Variants in CHD9 observed in about 807,000 individuals in gnomAD.
CHD9 encodes the protein ATP-dependent chromatin remodeler CHD9.
Under a neutral mutation model 316.1 loss-of-function variants are expected in CHD9, and 77 were observed. The observed-to-expected ratio is 0.24, with a 90% CI of 0.20 to 0.29. The LOEUF (loss-of-function observed/expected upper bound fraction) is 0.29, where lower values mean the gene tolerates loss of function less well. CHD9 is among the 10% of genes least tolerant of loss of function. CHD9 has a pLI of 1.00. For missense variants in CHD9, 2,763 were observed against 3,438.1 expected (o/e 0.80, Z 4.91); for synonymous variants, 1,129 against 1,158.3 (o/e 0.97, Z 0.51).
rs748626858 is a variant in CHD9, at chr16:53,132,793, C to CTTT, written c.-164-23108_-164-23106dup. Among the ~76,000 whole-genome samples the CTTT allele has an allele frequency of 7.3e-4, 50 of 68,506 alleles. 4 individuals are homozygous for CTTT. The highest frequency in any genetic ancestry group is 1.6e-3 in the African/African-American group (30 of 19,092). The allele number at this position is 68,506 out of a possible 152,430, so 44.9% of individuals were successfully genotyped here. ...AGACTTTCCATTTCTTCTAATTCTGCTTTTTTTTTTTTTTTTTTTTTTTTT... is the reference window on the plus strand; with the variant it reads ...AGACTTTCCATTTCTTCTAATTCTGCTTTTTTTTTTTTTTTTTTTTTTTTTTTT... On this transcript the variant is annotated intron_variant, in intron 1 of 38. Coordinates refer to ENST00000447540, the MANE Select transcript of CHD9 (RefSeq NM_001308319.2).
At position 53,324,956 on chromosome 16, in the gene CHD9, G is replaced by T; in HGVS notation, c.*61G>T. 7.3e-7 allele frequency: 1 copy of T among 1,369,946 alleles called. No individual in the cohort carries two copies. Among genetic ancestry groups the T allele is most frequent in the Non-Finnish European group, 9.8e-7 (1 of 1,021,590 alleles). 84.9% of individuals were successfully genotyped at this position (1,369,946 alleles called of 1,614,324 possible). ...TGGATTTTTTCTTTAATAATTAATT[G>T]TAAATACCCCAGTGTTGAGTGCATC... On this transcript the variant is annotated 3_prime_UTR_variant, in exon 39 of 39. Transcript: ENST00000447540.
chr16:53,113,235 G>A (rs1465855631), intron 1 of CHD9, among the ~76,000 whole-genome samples: 4 of 152,004 alleles, frequency 2.6e-5, no homozygotes, highest in East Asian at 1.9e-4. Flanking sequence ...TAGATGTTAT[G>A]AGTCTTATTT....
intron 1 of CHD9, among the ~76,000 whole-genome samples, chr16:53,085,233 T>C (rs981369356): frequency 6.6e-6 from 1 of 151,542 alleles, no homozygotes; most frequent in Non-Finnish European, 1.5e-5. Context: ...ATCATCTTTT[T>C]TTTTTTTTTT....
At chr16:53,266,394 C>T (rs2051699911) in intron 20 of CHD9, among the ~76,000 whole-genome samples, 1 of 152,184 alleles carries the variant, frequency 6.6e-6, no homozygotes, top group South Asian at 2.1e-4. Flanking sequence ...CTCTCCTGCT[C>T]TAGGACATAA....
intron 1 of CHD9, among the ~76,000 whole-genome samples, chr16:53,132,777 A>G (rs1249951014): frequency 2.2e-5 from 2 of 91,210 alleles, no homozygotes; most frequent in Admixed American, 1.1e-4. Context: ...AAGACTTTCC[A>G]TTTCTTCTAA....
At chr16:53,192,024 T>C (rs970408900) in intron 2 of CHD9, among the ~76,000 whole-genome samples, 1 of 151,750 alleles carries the variant, frequency 6.6e-6, no homozygotes, top group Admixed American at 6.6e-5. Context: ...GTTGAGTATC[T>C]TTTCATGGGC....
rs2048526350 is a variant in CHD9, at chr16:53,235,314, GTA to G, written c.2633+12_2633+13del. On this transcript the variant is annotated intron_variant, in intron 11 of 38. Transcript: ENST00000447540. ...GTTCAATTGGTACAATAGGTATGTA[GTA>G]TATCTTAATAAAAAAAATTTATTTT... is the stretch of plus-strand genomic sequence containing the variant. 1.4e-5 allele frequency: 21 copies of G among 1,511,318 alleles called. No individual in the cohort carries two copies. Among genetic ancestry groups the G allele is most frequent in the Non-Finnish European group, 1.9e-5 (21 of 1,129,510 alleles). The allele number at this position is 1,511,318 out of a possible 1,614,324, so 93.6% of individuals were successfully genotyped here. A position where few individuals can be genotyped will look rare whatever the true frequency, so the allele number is the denominator to read the frequency against.
At chr16:53,202,942 G>C (rs1038513375) in intron 2 of CHD9, among the ~76,000 whole-genome samples, 8 of 151,978 alleles carry the variant, frequency 5.3e-5, no homozygotes, top group African/African-American at 1.9e-4. Flanking sequence ...CAAATCTAAG[G>C]GTAAAATTCA....
intron 1 of CHD9, among the ~76,000 whole-genome samples, chr16:53,124,629 C>A (rs2038890908): frequency 6.6e-6 from 1 of 151,958 alleles, no homozygotes; most frequent in South Asian, 2.1e-4. Context: ...CAGGTGCCAC[C>A]ACCATGCCCT....
intron 24 of CHD9, among the ~76,000 whole-genome samples, chr16:53,279,862 G>A (rs2053236061): frequency 6.6e-6 from 1 of 152,110 alleles, no homozygotes; most frequent in South Asian, 2.1e-4. Flanking sequence ...AGTGGGCTAA[G>A]GACACAAATA....
intron 1 of CHD9, among the ~76,000 whole-genome samples, chr16:53,100,388 C>T (rs921520357): frequency 6.7e-5 from 10 of 150,328 alleles, no homozygotes; most frequent in African/African-American, 1.2e-4. Flanking sequence ...CTGTAAAAAG[C>T]GATATTAACT....
rs1363567694 is a variant in CHD9 at position 53,324,632 on chromosome 16, G to A, written c.8431G>A (p.Gly2811Ser). The stretch of plus-strand genomic sequence containing the variant: ...TTATCCAGGGATGCTTCTCACTCCA[G>A]GCCTTAATCTTCATATTCCAACTTT... ...ILYPGMLLTP[G>S]LNLHIPTLSQ... The change falls in exon 39 of 39, where the codon GGC (glycine) becomes AGC (serine). Residue 2811 changes from glycine (G) to serine (S), a missense_variant. Transcript: ENST00000447540. The A allele has an allele frequency of 6.2e-7, 1 of 1,613,600 alleles. No homozygotes were observed. Among genetic ancestry groups the A allele is most frequent in the East Asian group, 2.2e-5 (1 of 44,884 alleles).
intron 27 of CHD9, among the ~76,000 whole-genome samples, 198 bp from the exon 28 acceptor site, chr16:53,291,527 G>C (rs780779120): frequency 3.9e-5 from 6 of 152,200 alleles, no homozygotes; most frequent in Non-Finnish European, 8.8e-5. Flanking sequence ...CTGTCTAATT[G>C]TCAAAAGCAA....
chr16:53,296,764 TA>T (rs1277969096), intron 29 of CHD9, among the ~76,000 whole-genome samples, 191 bp from the exon 30 acceptor site: 1 of 151,826 alleles, frequency 6.6e-6, no homozygotes, highest in Admixed American at 6.6e-5. Flanking sequence ...TAAATTTTTC[TA>T]AAAAAAAGTA....
At chr16:53,314,274 A>T in intron 34 of CHD9, 103 bp from the exon 35 acceptor site, 1 of 764,160 alleles carries the variant, frequency 1.3e-6, no homozygotes, top group Non-Finnish European at 2.0e-6. Flanking sequence ...TTAAAGATGT[A>T]TAAAATAAGA....
intron 2 of CHD9, among the ~76,000 whole-genome samples, chr16:53,204,048 A>T (rs61230341): frequency 0.071 from 5,456 of 77,044 alleles, 316 homozygotes; most frequent in African/African-American, 0.17. Flanking sequence ...AAAAAAAAAA[A>T]ATATATATAT....
At chr16:53,076,524 G>A (rs1454941917) in intron 1 of CHD9, among the ~76,000 whole-genome samples, 2 of 152,008 alleles carry the variant, frequency 1.3e-5, no homozygotes, top group African/African-American at 2.4e-5. Context: ...GCAATGAGCC[G>A]AGATCATGCC....
chr16:53,179,660 G>A (rs1263308253), intron 2 of CHD9, among the ~76,000 whole-genome samples: 11 of 152,122 alleles, frequency 7.2e-5, no homozygotes, highest in African/African-American at 2.4e-5. Context: ...ACTTTGGGAG[G>A]CCAAGGCAGG....
At chr16:53,319,842 A>G in intron 37 of CHD9, 1 of 1,261,600 alleles carries the variant, frequency 7.9e-7, no homozygotes, top group South Asian at 1.3e-5. Flanking sequence ...ATTAAGGAAA[A>G]GAATCTACCT....
Sources: allele counts gnomAD v4.1 joint callset (sites outside exome capture counted in the v4.1 genomes callset), GRCh38; gene constraint gnomAD v4.1.1; transcripts MANE v1.5; gene names NCBI Gene and HGNC (gene_info 2026-07-23, HGNC 2026-07-21).